The following CNTNAP5 variants were observed in gnomAD, a reference collection of about 807,000 sequenced individuals.
CNTNAP5 encodes contactin associated protein family member 5, also known as contactin-associated protein-like 5.
Under a neutral mutation model 150.2 loss-of-function variants are expected in CNTNAP5, and 72 were observed. That is an observed-to-expected ratio of 0.48 (90% CI 0.40 to 0.58). The LOEUF (loss-of-function observed/expected upper bound fraction) is 0.58, where lower values mean the gene tolerates loss of function less well. CNTNAP5 is among the 20% of genes least tolerant of loss of function. The probability of loss-of-function intolerance (pLI) is 0.00; values close to 1 mark genes in which losing one functional copy is unlikely to be tolerated. For missense variants in CNTNAP5, 1,636 were observed against 1,626.2 expected, an observed-to-expected ratio of 1.01 and a Z score of -0.10; for synonymous variants, 672 against 619.8, an observed-to-expected ratio of 1.08 and a Z score of -1.25.
At chr2:124,690,696 C>T (rs1449365395) in intron 13 of CNTNAP5, among the ~76,000 whole-genome samples, 1 of 152,032 alleles carries the variant, frequency 6.6e-6, no homozygotes, top group African/African-American at 2.4e-5. Flanking sequence ...CACACTGCTC[C>T]CTCTGCCTAG....
intron 1 of CNTNAP5, among the ~76,000 whole-genome samples, chr2:124,188,372 A>G (rs1254487737): frequency 5.3e-5 from 8 of 152,186 alleles, no homozygotes; most frequent in Admixed American, 5.2e-4. Flanking sequence ...ACCAAACGTG[A>G]TTCTTAAGAT....
intron 1 of CNTNAP5, among the ~76,000 whole-genome samples, chr2:124,080,311 A>AT (rs1311134148): frequency 1.3e-5 from 2 of 152,134 alleles, no homozygotes; most frequent in East Asian, 1.9e-4. Flanking sequence ...AAAAATATGC[A>AT]TTTTTCTAGT....
chr2:124,370,866 T>G (rs1331819642), intron 3 of CNTNAP5, among the ~76,000 whole-genome samples: 1 of 152,176 alleles, frequency 6.6e-6, no homozygotes, highest in Non-Finnish European at 1.5e-5. Flanking sequence ...AACTTTTATG[T>G]GACACAAGAG....
intron 6 of CNTNAP5, among the ~76,000 whole-genome samples, chr2:124,449,186 T>A (rs1692903667): frequency 6.6e-6 from 1 of 152,216 alleles, no homozygotes; most frequent in African/African-American, 2.4e-5. Context: ...ACTCTTTGAC[T>A]CAGAATACAA....
intron 13 of CNTNAP5, among the ~76,000 whole-genome samples, chr2:124,660,985 C>T (rs1490600673): frequency 6.6e-6 from 1 of 150,792 alleles, no homozygotes; most frequent in Non-Finnish European, 1.5e-5. Context: ...AAAATTTACG[C>T]TGTGTAGGGC....
chr2:124,514,395 A>G (rs1390452942), intron 8 of CNTNAP5, among the ~76,000 whole-genome samples: 1 of 151,992 alleles, frequency 6.6e-6, no homozygotes, highest in Non-Finnish European at 1.5e-5. Context: ...ATTTTTTTTT[A>G]TCATAGATTA....
intron 1 of CNTNAP5, among the ~76,000 whole-genome samples, chr2:124,157,776 T>C (rs931025164): frequency 6.6e-6 from 1 of 152,132 alleles, no homozygotes; most frequent in Non-Finnish European, 1.5e-5. Flanking sequence ...TCTTCAAGAA[T>C]TTCCCTTCTT....
chr2:124,803,382 T>C (rs1364355277), intron 19 of CNTNAP5, among the ~76,000 whole-genome samples: 1 of 152,234 alleles, frequency 6.6e-6, no homozygotes, highest in African/African-American at 2.4e-5. Context: ...TTTATTCACA[T>C]TGCAGTTGAA....
At chr2:124,735,511 G>T (rs1300956067) in intron 13 of CNTNAP5, among the ~76,000 whole-genome samples, 4 of 151,394 alleles carry the variant, frequency 2.6e-5, no homozygotes, top group East Asian at 1.9e-4. Context: ...CAATATATTT[G>T]GGAATATCCC....
chr2:124,613,851 A>T (rs906833060), intron 12 of CNTNAP5, among the ~76,000 whole-genome samples: 1 of 152,180 alleles, frequency 6.6e-6, no homozygotes, highest in Non-Finnish European at 1.5e-5. Flanking sequence ...GGAGATGATT[A>T]AGCTTACTGA....
chr2:124,181,136 G>A (rs572639135), intron 1 of CNTNAP5, among the ~76,000 whole-genome samples: 1 of 150,784 alleles, frequency 6.6e-6, no homozygotes, highest in African/African-American at 2.4e-5. Flanking sequence ...ATGTAATTTT[G>A]TATTTAATTC....
intron 16 of CNTNAP5, among the ~76,000 whole-genome samples, chr2:124,772,268 G>T (rs1681217674): frequency 6.6e-6 from 1 of 152,210 alleles, no homozygotes; most frequent in Non-Finnish European, 1.5e-5. Context: ...AGGAGGCTTG[G>T]GTTTGATTGC....
At chr2:124,157,160 T>A (rs1256870645) in intron 1 of CNTNAP5, among the ~76,000 whole-genome samples, 1 of 136,124 alleles carries the variant, frequency 7.3e-6, no homozygotes, top group African/African-American at 2.5e-5. Context: ...ATTCTTGGTA[T>A]CGCAGGATTT....
At position 124,665,815 on chromosome 2, in the gene CNTNAP5, G is replaced by A. The variant is rs1425003157; in HGVS notation, c.2077+17857G>A. Among the ~76,000 whole-genome samples the A allele has an allele frequency of 3.3e-5, 5 of 151,706 alleles. No homozygotes were observed. The East Asian group carries it at 7.8e-4, about 24-fold the overall frequency. On this transcript the variant is annotated intron_variant, in intron 13 of 23. Coordinates refer to ENST00000682447, the MANE Select transcript of CNTNAP5 (RefSeq NM_001367498.1). ...GCAGGAGAATGGCGGGAACCCGGGA[G>A]GAAGAGCTTGCAGTGAGCCGAGATC...
chr2:124,372,000 G>A (rs1690540037), intron 3 of CNTNAP5, among the ~76,000 whole-genome samples: 1 of 152,004 alleles, frequency 6.6e-6, no homozygotes, highest in African/African-American at 2.4e-5. Context: ...AGAGGAGATT[G>A]ACATGTGTGA....
intron 18 of CNTNAP5, among the ~76,000 whole-genome samples, chr2:124,793,602 AC>A (rs2104636663): frequency 1.3e-5 from 2 of 152,248 alleles, no homozygotes; most frequent in South Asian, 4.1e-4. Context: ...AGGAAGCCTT[AC>A]TTAATCCAAG....
intron 13 of CNTNAP5, among the ~76,000 whole-genome samples, chr2:124,677,891 A>C (rs1678981148): frequency 6.6e-6 from 1 of 151,926 alleles, no homozygotes; most frequent in Non-Finnish European, 1.5e-5. Flanking sequence ...CCAATTAGTA[A>C]AGTAAGCAGA....
chr2:124,567,961 C>T (rs762229000), intron 11 of CNTNAP5, among the ~76,000 whole-genome samples: 1 of 152,078 alleles, frequency 6.6e-6, no homozygotes. Flanking sequence ...CAGATGAGAA[C>T]ATTGAGGCCC....
At chr2:124,720,028 A>G (rs1680019157) in intron 13 of CNTNAP5, among the ~76,000 whole-genome samples, 1 of 152,186 alleles carries the variant, frequency 6.6e-6, no homozygotes, top group Non-Finnish European at 1.5e-5. Flanking sequence ...GAATTGAACT[A>G]AGAATTAGGG....
Sources: allele counts gnomAD v4.1 joint callset (sites outside exome capture counted in the v4.1 genomes callset), GRCh38; gene constraint gnomAD v4.1.1; transcripts MANE v1.5; gene names NCBI Gene and HGNC (gene_info 2026-07-23, HGNC 2026-07-21).